The following RRAGC variants were observed in gnomAD, a reference collection of about 807,000 sequenced individuals.
The protein encoded by RRAGC is ras-related GTP-binding protein C.
In RRAGC, 8 loss-of-function variants were observed where a neutral mutation model predicts 37.1. That is an observed-to-expected ratio of 0.22 (90% confidence interval 0.13 to 0.39). The LOEUF (loss-of-function observed/expected upper bound fraction) is 0.39. RRAGC is among the 10% of genes least tolerant of loss of function. RRAGC has a pLI of 1.00. For synonymous variants in RRAGC, 190 were observed against 181.1 expected (o/e 1.05, Z -0.39); for missense variants, 342 against 497.6 (o/e 0.69, Z 2.98).
In RRAGC at chr1:38,841,963, C is replaced by T. The variant is rs377339769; in HGVS notation, c.1049-2259G>A. Among the ~76,000 whole-genome samples the T allele has an allele frequency of 3.3e-5, 5 of 152,312 alleles. No homozygotes were observed. The South Asian group carries it at 8.3e-4, about 25-fold the overall frequency. On this transcript the variant is annotated intron_variant, in intron 6 of 6. Transcript: ENST00000373001. ...CATCCTGGCTAACACAGTGAAACCC[C>T]ATCTCTACTAAAAATACAAAAAATT...
At position 38,839,574 on chromosome 1, in the gene RRAGC, G is replaced by A. The variant is rs1432153486; in HGVS notation, c.1179C>T (p.Gly393=). 6.2e-7 allele frequency: 1 copy of A among 1,614,024 alleles called. No individual in the cohort carries two copies. Among genetic ancestry groups the A allele is most frequent in the Non-Finnish European group, 8.5e-7 (1 of 1,180,046 alleles). Residue 393 remains glycine, a synonymous_variant, in exon 7 of 7, where the codon GGC becomes GGT. Transcript: ENST00000373001. ...ASSLKALTHN[G]TPRNAI is the part of the protein sequence containing the mutation. ...CAGACTAGATGGCGTTTCGTGGCGT[G>A]CCATTGTGTGTCAGCGCTTTCAGAC...
chr1:38,855,777 G>A lies in RRAGC; in HGVS notation c.572C>T (p.Thr191Ile). 1 of 1,613,994 alleles carries A rather than the reference G, an allele frequency of 6.2e-7. No homozygotes were observed. The highest frequency in any genetic ancestry group is 8.5e-7 in the Non-Finnish European group (1 of 1,179,952). The change falls in exon 3 of 7, where the codon ACA becomes ATA. Residue 191 changes from threonine to isoleucine, a missense_variant. Physicochemically the swap from Thr to Ile is moderately conservative, Grantham distance 89. Around this residue, in one of 3 missense-constraint regions of RRAGC, gnomAD observed 134 missense variants for 277.2 expected, o/e 0.48. Transcript: ENST00000373001. ...DGLSDDHKIETQRDIHQRAND... is the reference protein window; with the variant it reads ...DGLSDDHKIEIQRDIHQRAND... Reference sequence around the variant, plus strand: ...GGCCCTTTGATGAATGTCCCTCTGTGTTTCTATTTTGTGATCATCAGACAG... The same window carrying A: ...GGCCCTTTGATGAATGTCCCTCTGTATTTCTATTTTGTGATCATCAGACAG...
At chr1:38,854,065 CTTT>C (rs58058501) in intron 3 of RRAGC, among the ~76,000 whole-genome samples, 27 of 74,808 alleles carry the variant, frequency 3.6e-4, no homozygotes, top group Admixed American at 4.6e-4. Flanking sequence ...AAATAAAAGT[CTTT>C]TTTTTTTTTT....
intron 5 of RRAGC, among the ~76,000 whole-genome samples, chr1:38,848,369 T>C (rs1487237373): frequency 6.6e-6 from 1 of 152,146 alleles, no homozygotes; most frequent in Non-Finnish European, 1.5e-5. Context: ...GGTTCCAACA[T>C]AGACAACCCT....
intron 6 of RRAGC, among the ~76,000 whole-genome samples, chr1:38,841,105 C>T (rs1293557217): frequency 6.6e-6 from 1 of 152,052 alleles, no homozygotes; most frequent in Non-Finnish European, 1.5e-5. Flanking sequence ...AAATATGAAA[C>T]ATAATTGGCT....
rs1641912666 is a variant in RRAGC at position 38,838,648 on chromosome 1, A to G, written c.*905T>C. On this transcript the variant is annotated 3_prime_UTR_variant, in exon 7 of 7. Coordinates refer to ENST00000373001, the MANE Select transcript of RRAGC (RefSeq NM_022157.4). ...TCCAACTCCCAGTGGACAGTCCCCC[A>G]ATGCCTTAGGGTCACTCGTGGTCAA... The G allele has an allele frequency of 6.6e-6, 1 of 152,208 alleles. No homozygotes were observed. Among genetic ancestry groups the G allele is most frequent in the African/African-American group, 2.4e-5 (1 of 41,454 alleles). The allele number at this position is 152,208 out of a possible 1,614,324, so 9.4% of individuals were successfully genotyped here.
In RRAGC at chr1:38,857,717, T is replaced by C. The variant is rs145765966; in HGVS notation, c.238-635A>G. ...GCTCACGCCTTCAATCCCAGCACTT[T>C]AGGCGGCCGAGGCGGGCGGATCACT... is the stretch of plus-strand genomic sequence containing the variant. On this transcript the variant is annotated intron_variant, in intron 1 of 6. Coordinates refer to ENST00000373001, the MANE Select transcript of RRAGC (RefSeq NM_022157.4). 6.7e-3 allele frequency among the ~76,000 whole-genome samples: 1,015 copies of C among 152,336 alleles called. 12 individuals are homozygous for C. Among genetic ancestry groups the C allele is most frequent in the Non-Finnish European group, 8.9e-3 (608 of 68,024 alleles).
chr1:38,843,838 T>C (rs1473113470), intron 6 of RRAGC, among the ~76,000 whole-genome samples: 1 of 151,984 alleles, frequency 6.6e-6, no homozygotes, highest in Non-Finnish European at 1.5e-5. Context: ...TAATCTGCCT[T>C]TGGGATAAAA....
rs538772317 is a variant in RRAGC, at chr1:38,856,747, T to A, written c.441+132A>T. On this transcript the variant is annotated intron_variant, in intron 2 of 6. Coordinates refer to ENST00000373001, the MANE Select transcript of RRAGC (RefSeq NM_022157.4). ...GCTCCCAAAGCACTCTGCAACTGCA[T>A]CTCTTACACTGTTAGGGAATCTACT... is the stretch of plus-strand genomic sequence containing the variant. 13 of 768,036 alleles carry A rather than the reference T, an allele frequency of 1.7e-5. No homozygotes were observed. The East Asian group carries it at 2.9e-4, about 17-fold the overall frequency. 47.6% of individuals were successfully genotyped at this position (768,036 alleles called of 1,614,324 possible). A position where few individuals can be genotyped will look rare whatever the true frequency, so the allele number is the denominator to read the frequency against.
At chr1:38,848,149 C>G (rs1374062863) in intron 5 of RRAGC, 6 of 151,984 alleles carry the variant, frequency 3.9e-5, no homozygotes, top group Admixed American at 3.9e-4. Context: ...TTTCCAGTAC[C>G]TTAACTAATA....
Position 38,839,712 on chromosome 1 carries a change from A to G in RRAGC, c.1049-8T>C, listed in dbSNP as rs748160088. 4.3e-6 allele frequency: 7 copies of G among 1,612,844 alleles called. No individual in the cohort carries two copies. Among genetic ancestry groups the G allele is most frequent in the Admixed American group, 3.3e-5 (2 of 59,704 alleles). The stretch of plus-strand genomic sequence containing the variant: ...AGTTGTAGTCTATTAAACCTGCAGG[A>G]AGGAAAAAGAAAAGAATGCCTCCTG... On this transcript the variant is annotated splice_polypyrimidine_tract_variant and splice_region_variant and intron_variant, in intron 6 of 6. Transcript: ENST00000373001.
intron 6 of RRAGC, 27 bp from the exon 7 acceptor site, chr1:38,839,731 C>T (rs17499125): frequency 0.19 from 303,106 of 1,603,316 alleles, 31,068 homozygotes; most frequent in Non-Finnish European, 0.21. Flanking sequence ...GAAAAGAATG[C>T]CTCCTGAATT....
chr1:38,855,259 G>A (rs750447041), intron 3 of RRAGC, among the ~76,000 whole-genome samples: 108 of 152,308 alleles, frequency 7.1e-4, no homozygotes, highest in Non-Finnish European at 1.4e-3. Flanking sequence ...AAAAGAGTCA[G>A]TCCAGATTTG....
chr1:38,857,735 G>A (rs1443878242), intron 1 of RRAGC, among the ~76,000 whole-genome samples: 4 of 152,218 alleles, frequency 2.6e-5, no homozygotes, highest in Admixed American at 6.5e-5. Flanking sequence ...CGAGGCGGGC[G>A]GATCACTTGA....
chr1:38,840,054 A>T (rs1487709937), intron 6 of RRAGC, among the ~76,000 whole-genome samples: 3 of 151,972 alleles, frequency 2.0e-5, no homozygotes, highest in Non-Finnish European at 2.9e-5. Context: ...AGGCTGAGGC[A>T]AGAGAATGGC....
intron 5 of RRAGC, among the ~76,000 whole-genome samples, chr1:38,849,020 T>C (rs1642062227): frequency 6.6e-6 from 1 of 151,208 alleles, no homozygotes; most frequent in African/African-American, 2.4e-5. Flanking sequence ...GTCAGGAGCA[T>C]CACTTGAGCC....
intron 6 of RRAGC, among the ~76,000 whole-genome samples, chr1:38,840,326 G>C (rs1047810480): frequency 6.6e-6 from 1 of 152,162 alleles, no homozygotes; most frequent in Non-Finnish European, 1.5e-5. Flanking sequence ...CAAATACACT[G>C]TGTGGCCTGC....
At chr1:38,841,113 G>A (rs1218699942) in intron 6 of RRAGC, among the ~76,000 whole-genome samples, 1 of 152,102 alleles carries the variant, frequency 6.6e-6, no homozygotes, top group African/African-American at 2.4e-5. Flanking sequence ...AACATAATTG[G>A]CTATAATTTT....
At position 38,859,694 on chromosome 1, in the gene RRAGC, G is replaced by C. The variant is rs12753432; in HGVS notation, c.-48C>G. The C allele has an allele frequency of 1.5e-6, 2 of 1,370,878 alleles. No individual in the cohort carries two copies. Among genetic ancestry groups the C allele is most frequent in the Admixed American group, 6.9e-5 (2 of 28,986 alleles). The allele number at this position is 1,370,878 out of a possible 1,614,324, so 84.9% of individuals were successfully genotyped here. ...GCGCCCTGACAGGCCAGGCCAGGCC[G>C]AGCCAGGCCGCCGCCTCCCCAGTCC... On this transcript the variant is annotated 5_prime_UTR_variant, in exon 1 of 7. Transcript: ENST00000373001.
Sources: gnomAD v4.1 joint callset for allele counts (sites outside exome capture counted in the v4.1 genomes callset) on GRCh38, gnomAD v4.1.1 for gene constraint, gnomAD v4.1.1 regional missense constraint, MANE v1.5 for transcripts, NCBI Gene and HGNC (gene_info 2026-07-23, HGNC 2026-07-21) for gene names.